The following CIBAR1 variants were observed in gnomAD, a reference collection of about 807,000 sequenced individuals.
The protein encoded by CIBAR1 is CBY1-interacting BAR domain-containing protein 1.
A neutral mutation model predicts 44.0 loss-of-function variants in CIBAR1; 25 were observed. The observed-to-expected ratio is 0.57, with a 90% confidence interval of 0.41 to 0.79. The LOEUF is 0.79. Among genes scored for constraint, CIBAR1 ranks in the 30% least tolerant of loss-of-function variants. CIBAR1 has a pLI of 0.00. For synonymous variants in CIBAR1, 115 were observed against 119.0 expected (o/e 0.97, Z 0.22); for missense variants, 278 against 344.8 (o/e 0.81, Z 1.53).
chr8:93,726,520 A>C lies in CIBAR1; in HGVS notation c.777+7A>C. 10 of 1,613,170 alleles carry C rather than the reference A, an allele frequency of 6.2e-6. No individual in the cohort carries two copies. Among genetic ancestry groups the C allele is most frequent in the African/African-American group, 1.3e-5 (1 of 75,044 alleles). The stretch of plus-strand genomic sequence containing the variant: ...TGTATCTGGAACAGGACAGGTGAGC[A>C]AGAAACCGTACTCTAAAGGAATTTG... On this transcript the variant is annotated splice_region_variant and intron_variant, in intron 8 of 8. Transcript: ENST00000518322.
intron 2 of CIBAR1, 97 bp downstream of exon 2, chr8:93,701,555 A>G (rs1810358537): frequency 2.1e-6 from 2 of 973,676 alleles, no homozygotes; most frequent in African/African-American, 3.3e-5. Context: ...ACCTAACTGC[A>G]GAGGTGGATG....
chr8:93,726,348 TTTTG>T, intron 7 of CIBAR1, 42 bp from the exon 8 acceptor site: 1 of 1,503,626 alleles, frequency 6.7e-7, no homozygotes, highest in Non-Finnish European at 8.9e-7. Flanking sequence ...ACTGTCTTGA[TTTTG>T]TTTAGCATCT....
intron 7 of CIBAR1, among the ~76,000 whole-genome samples, chr8:93,723,781 G>C (rs1018333987): frequency 6.6e-6 from 1 of 152,020 alleles, no homozygotes; most frequent in South Asian, 2.1e-4. Context: ...AGACAACAGG[G>C]GAATGCAGAA....
Position 93,725,481 on chromosome 8 carries a change from A to C in CIBAR1, c.658-913A>C, listed in dbSNP as rs536277574. Among the ~76,000 whole-genome samples the C allele has an allele frequency of 2.0e-5, 3 of 152,274 alleles. No homozygotes were observed. In the East Asian group the frequency reaches 5.8e-4, roughly 29 times the overall value. ...TGGTGATGTGAGGAAGAGCAATTTT[A>C]GTGGGAGGTGAAAAGCTCAATTGTA... is the stretch of plus-strand genomic sequence containing the variant. On this transcript the variant is annotated intron_variant, in intron 7 of 8. Transcript: ENST00000518322.
chr8:93,714,127 C>A (rs956416091), intron 6 of CIBAR1, among the ~76,000 whole-genome samples: 1 of 152,096 alleles, frequency 6.6e-6, no homozygotes, highest in African/African-American at 2.4e-5. Flanking sequence ...TTTTAATATT[C>A]TTTAATTTCT....
In CIBAR1 at chr8:93,713,095, C is replaced by T. The variant is rs540832076; in HGVS notation, c.543+3220C>T. 5.0e-3 allele frequency among the ~76,000 whole-genome samples: 727 copies of T among 144,496 alleles called. 5 individuals are homozygous for T. Among genetic ancestry groups the T allele is most frequent in the Non-Finnish European group, 9.4e-3 (627 of 66,862 alleles). The allele number at this position is 144,496 out of a possible 152,430, so 94.8% of individuals were successfully genotyped here. On this transcript the variant is annotated intron_variant, in intron 6 of 8. Coordinates refer to ENST00000518322, the MANE Select transcript of CIBAR1 (RefSeq NM_145269.5). ...TCGCCCAGGCTGGAGTGCAGTGGCG[C>T]GATCTCGGCTCACTGCAACCTCCAC...
At chr8:93,702,609 A>C (rs995717993) in intron 2 of CIBAR1, 5 of 435,386 alleles carry the variant, frequency 1.1e-5, no homozygotes, top group Non-Finnish European at 1.8e-5. Flanking sequence ...ATCAGTATGG[A>C]TTATAAGAAA....
At chr8:93,724,612 G>C (rs766364453) in intron 7 of CIBAR1, 2 of 1,253,268 alleles carry the variant, frequency 1.6e-6, no homozygotes, top group South Asian at 2.7e-5. Context: ...AATTTAGGGA[G>C]AATGCCCAGG....
chr8:93,711,627 ATAAT>A (rs1184877725), intron 6 of CIBAR1, among the ~76,000 whole-genome samples: 2 of 152,356 alleles, frequency 1.3e-5, no homozygotes, highest in Middle Eastern at 3.4e-3. Flanking sequence ...AATTATTAAG[ATAAT>A]TAATTAGCCT....
chr8:93,706,282 G>A (rs2130296202), intron 4 of CIBAR1: 1 of 152,314 alleles, frequency 6.6e-6, no homozygotes, highest in East Asian at 1.9e-4. Context: ...GAAATATCTA[G>A]ATAGTCATAG....
chr8:93,704,192 ACAT>A (rs1299646610), intron 3 of CIBAR1, among the ~76,000 whole-genome samples: 19 of 152,200 alleles, frequency 1.2e-4, no homozygotes, highest in African/African-American at 1.7e-4. Context: ...AGCAATATAG[ACAT>A]TATTATGGAA....
rs1811692644 is a variant in CIBAR1 at position 93,729,297 on chromosome 8, G to A, written c.*1000G>A. The A allele has an allele frequency of 6.6e-6, 1 of 152,086 alleles. No individual in the cohort carries two copies. Among genetic ancestry groups the A allele is most frequent in the Non-Finnish European group, 1.5e-5 (1 of 67,980 alleles). The allele number at this position is 152,086 out of a possible 1,614,324, so 9.4% of individuals were successfully genotyped here. On this transcript the variant is annotated 3_prime_UTR_variant, in exon 9 of 9. Coordinates refer to ENST00000518322, the MANE Select transcript of CIBAR1 (RefSeq NM_145269.5). Reference sequence around the variant, plus strand: ...TGTTCTTAACAAAGCACTCCTTCCTGAGAATAGTCCTAAGTGACAAAGTTG... The same window carrying A: ...TGTTCTTAACAAAGCACTCCTTCCTAAGAATAGTCCTAAGTGACAAAGTTG...
intron 5 of CIBAR1, 61 bp from the exon 6 acceptor site, chr8:93,709,710 T>G (rs767670231): frequency 1.4e-6 from 2 of 1,392,650 alleles, no homozygotes; most frequent in South Asian, 2.4e-5. Flanking sequence ...ACCAGTAGGC[T>G]CAATTGAATG....
intron 4 of CIBAR1, 37 bp downstream of exon 4, chr8:93,705,047 A>G: frequency 7.2e-7 from 1 of 1,385,244 alleles, no homozygotes; most frequent in Non-Finnish European, 1.0e-6. Context: ...AAAATGTTTA[A>G]GGTATGGAGT....
At chr8:93,723,090 G>A (rs1168485566) in intron 7 of CIBAR1, among the ~76,000 whole-genome samples, 3 of 152,216 alleles carry the variant, frequency 2.0e-5, no homozygotes, top group East Asian at 3.9e-4. Flanking sequence ...TCCGCCTCCC[G>A]GATTCACACC....
intron 7 of CIBAR1, among the ~76,000 whole-genome samples, chr8:93,725,017 G>A (rs1175386704): frequency 1.3e-5 from 2 of 152,038 alleles, no homozygotes; most frequent in African/African-American, 2.4e-5. Context: ...TCACTCTATT[G>A]CCCAGGATGG....
In CIBAR1 at chr8:93,700,659, C is replaced by T; in HGVS notation, c.12C>T (p.Arg4=). Residue 4 remains arginine (R), a synonymous_variant, in exon 1 of 9, where the codon CGC becomes CGT. Transcript: ENST00000518322. The part of the protein sequence containing the change: MMR[R]TLENRNAQTK... Reference sequence around the variant, plus strand: ...GTGCGCGAGGCAGCATGATGAGGCGCACCCTGGAAAACCGGTAACAGCCCG... The same window carrying T: ...GTGCGCGAGGCAGCATGATGAGGCGTACCCTGGAAAACCGGTAACAGCCCG... The T allele has an allele frequency of 2.7e-6, 4 of 1,504,466 alleles. No individual in the cohort carries two copies. The highest frequency in any genetic ancestry group is 1.8e-6 in the Non-Finnish European group (2 of 1,127,422). 93.2% of individuals were successfully genotyped at this position (1,504,466 alleles called of 1,614,324 possible).
At chr8:93,719,185 A>T (rs1031937729) in intron 7 of CIBAR1, among the ~76,000 whole-genome samples, 17 of 152,134 alleles carry the variant, frequency 1.1e-4, no homozygotes, top group African/African-American at 2.4e-5. Flanking sequence ...CTTAACTTTG[A>T]ACACTATAGT....
intron 4 of CIBAR1, chr8:93,705,409 T>G: frequency 5.5e-6 from 1 of 180,578 alleles, no homozygotes; most frequent in East Asian, 1.4e-4. Flanking sequence ...CCCATTTAAT[T>G]TCCTTCATCT....
Sources: gnomAD v4.1 joint callset for allele counts (sites outside exome capture counted in the v4.1 genomes callset) on GRCh38, gnomAD v4.1.1 for gene constraint, MANE v1.5 for transcripts, NCBI Gene and HGNC (gene_info 2026-07-23, HGNC 2026-07-21) for gene names.